The following ADGRD1 variants were observed in gnomAD, a reference collection of about 807,000 sequenced individuals.
ADGRD1 encodes G-protein coupled receptor 133.
ADGRD1 carries 77 observed loss-of-function variants against 113.4 expected under a neutral mutation model. That is an observed-to-expected ratio of 0.68 (90% confidence interval 0.57 to 0.82). The LOEUF (loss-of-function observed/expected upper bound fraction) is 0.82. ADGRD1 is among the 40% of genes least tolerant of loss of function. ADGRD1 has a pLI of 0.00. For missense variants in ADGRD1, 1,036 were observed against 1,139.1 expected, an observed-to-expected ratio of 0.91 and a Z score of 1.30; for synonymous variants, 474 against 475.0, an observed-to-expected ratio of 1.00 and a Z score of 0.03.
chr12:131,093,892 G>A (rs1289816131), intron 15 of ADGRD1, among the ~76,000 whole-genome samples: 1 of 152,132 alleles, frequency 6.6e-6, no homozygotes, highest in Non-Finnish European at 1.5e-5. Flanking sequence ...TGGAGCTGTG[G>A]TGGTGATGAG....
chr12:131,094,585 C>CG (rs2137269162), intron 15 of ADGRD1, among the ~76,000 whole-genome samples: 1 of 152,176 alleles, frequency 6.6e-6, no homozygotes, highest in South Asian at 2.1e-4. Context: ...CAGCAGCGCC[C>CG]CCCCGACTCC....
chr12:130,958,415 G>C (rs1277470212), intron 2 of ADGRD1, among the ~76,000 whole-genome samples: 1 of 152,040 alleles, frequency 6.6e-6, no homozygotes, highest in Non-Finnish European at 1.5e-5. Flanking sequence ...GACCAGGCTG[G>C]TCTCAAACTC....
chr12:131,017,964 A>C (rs1461971355), intron 13 of ADGRD1, among the ~76,000 whole-genome samples: 2 of 152,290 alleles, frequency 1.3e-5, no homozygotes, highest in South Asian at 4.1e-4. Flanking sequence ...ATGTACCTGC[A>C]TCCAGCACCC....
intron 20 of ADGRD1, among the ~76,000 whole-genome samples, chr12:131,126,997 C>T (rs551323103): frequency 2.0e-5 from 3 of 152,016 alleles, no homozygotes; most frequent in Middle Eastern, 3.4e-3. Context: ...CCCACCGCAC[C>T]GATGCAGGAT....
In ADGRD1 at chr12:131,027,261, C is replaced by G. The variant is rs1471353688; in HGVS notation, c.1473+12921C>G. ...TGAAATCCCATCCCTCAGAGATGAC[C>G]AGTGTCAACATTGTGGTGACTTCTT... On this transcript the variant is annotated intron_variant, in intron 13 of 24. Coordinates refer to ENST00000261654, the MANE Select transcript of ADGRD1 (RefSeq NM_198827.5). The surrounding 1 kb of genome is among the most constrained non-coding windows in gnomAD (Gnocchi z 5.1). 1 of 152,196 alleles carries G rather than the reference C, an allele frequency of 6.6e-6. No homozygotes were observed. The highest frequency in any genetic ancestry group is 2.4e-5 in the African/African-American group (1 of 41,434). 9.4% of individuals were successfully genotyped at this position (152,196 alleles called of 1,614,324 possible).
rs183148131 is a variant in ADGRD1, at chr12:131,089,585, G to T, written c.1671+4922G>T. Among the ~76,000 whole-genome samples the T allele has an allele frequency of 2.0e-4, 27 of 132,748 alleles. No individual in the cohort carries two copies. The East Asian group carries it at 3.2e-3, about 16-fold the overall frequency. The allele number at this position is 132,748 out of a possible 152,430, so 87.1% of individuals were successfully genotyped here. A position where few individuals can be genotyped will look rare whatever the true frequency, so the allele number is the denominator to read the frequency against. On this transcript the variant is annotated intron_variant, in intron 15 of 24. Coordinates refer to ENST00000261654, the MANE Select transcript of ADGRD1 (RefSeq NM_198827.5). Reference sequence around the variant, plus strand: ...GCCAGTGGGTGCTCACTTCCTGGTAGTGCTCCTGGCCAGTGAGTGCTCCCT... The same window carrying T: ...GCCAGTGGGTGCTCACTTCCTGGTATTGCTCCTGGCCAGTGAGTGCTCCCT...
chr12:131,004,981 G>A (rs868277191), intron 11 of ADGRD1, among the ~76,000 whole-genome samples: 2 of 152,130 alleles, frequency 1.3e-5, no homozygotes, highest in South Asian at 2.1e-4. Context: ...GGCAAGCAGG[G>A]GAGAGCCTCA....
rs562396798 is a variant in ADGRD1 at position 130,984,654 on chromosome 12, T to C, written c.491-2441T>C. Among the ~76,000 whole-genome samples, 14 of 152,172 alleles carry C rather than the reference T, an allele frequency of 9.2e-5. No homozygotes were observed. Among genetic ancestry groups the C allele is most frequent in the Admixed American group, 4.6e-4 (7 of 15,286 alleles). ...ACACATCATTGTCACCCAAAGTCCA[T>C]AGTTCACATTAGCATTTGCTCTCGG... On this transcript the variant is annotated intron_variant, in intron 5 of 24. Transcript: ENST00000261654. This position sits in a 1 kb window ranked among gnomAD's most constrained non-coding sequence, Gnocchi z 4.1.
chr12:130,961,036 G>C (rs180737714), intron 2 of ADGRD1, among the ~76,000 whole-genome samples: 1 of 152,176 alleles, frequency 6.6e-6, no homozygotes. Flanking sequence ...AAGCCAGCCC[G>C]ACCATCGGCA....
intron 5 of ADGRD1, among the ~76,000 whole-genome samples, chr12:130,983,064 G>A (rs954887954): frequency 3.3e-5 from 5 of 152,202 alleles, no homozygotes; most frequent in Non-Finnish European, 7.3e-5. Context: ...ACCCAAACAG[G>A]CTGGATCAAA....
rs535255958 is a variant in ADGRD1 at position 131,114,191 on chromosome 12, G to T, written c.2042-4194G>T. ...AAGCCAAACCAATCCAGCCTGGAAG[G>T]ATGTTTTATTTGATCTGCACAATGC... On this transcript the variant is annotated intron_variant, in intron 18 of 24. Transcript: ENST00000261654. Among the ~76,000 whole-genome samples the T allele has an allele frequency of 7.2e-4, 110 of 152,284 alleles. 3 individuals are homozygous for T. The South Asian group carries it at 0.022, about 31-fold the overall frequency.
rs569759257 is a variant in ADGRD1 at position 130,954,136 on chromosome 12, G to A, written c.-330G>A. The stretch of plus-strand genomic sequence containing the variant: ...GCAGGACAAACAGCCTCCCGTCCCC[G>A]GGCGCAGGTCGCGGTCACAGTGGTG... On this transcript the variant is annotated 5_prime_UTR_variant, in exon 1 of 25. Transcript: ENST00000261654. This position sits in a 1 kb window ranked among gnomAD's most constrained non-coding sequence, Gnocchi z 4.7. 2 of 307,172 alleles carry A rather than the reference G, an allele frequency of 6.5e-6. No homozygotes were observed. Among genetic ancestry groups the A allele is most frequent in the Non-Finnish European group, 1.2e-5 (2 of 169,708 alleles). 19.0% of individuals were successfully genotyped at this position (307,172 alleles called of 1,614,324 possible). A position where few individuals can be genotyped will look rare whatever the true frequency, so the allele number is the denominator to read the frequency against.
chr12:130,983,292 C>T (rs1873241852), intron 5 of ADGRD1, among the ~76,000 whole-genome samples: 1 of 152,132 alleles, frequency 6.6e-6, no homozygotes, highest in African/African-American at 2.4e-5. Flanking sequence ...GTGCTCGGAC[C>T]AGCTTGTACC....
In ADGRD1 at chr12:131,127,623, C is replaced by T. The variant is rs1286958171; in HGVS notation, c.2176-4102C>T. On this transcript the variant is annotated intron_variant, in intron 20 of 24. Coordinates refer to ENST00000261654, the MANE Select transcript of ADGRD1 (RefSeq NM_198827.5). ...TGGTTGGGTTGGTTGTGATGGGACC[C>T]TGAGCTCAGGTGGGGTGTTGGTTGG... Among the ~76,000 whole-genome samples, 6 of 145,614 alleles carry T rather than the reference C, an allele frequency of 4.1e-5. No homozygotes were observed. The East Asian group carries it at 6.2e-4, about 15-fold the overall frequency.
At chr12:131,099,015 G>A (rs560570253) in intron 15 of ADGRD1, among the ~76,000 whole-genome samples, 18 of 152,312 alleles carry the variant, frequency 1.2e-4, no homozygotes, top group Middle Eastern at 3.4e-3. Flanking sequence ...CTGAGGAGTC[G>A]ATGCCTTCAA....
Position 131,050,655 on chromosome 12 carries a change from G to T in ADGRD1, c.1474-26146G>T, listed in dbSNP as rs77310360. Among the ~76,000 whole-genome samples the T allele has an allele frequency of 6.6e-6, 1 of 152,034 alleles. No individual in the cohort carries two copies. Among genetic ancestry groups the T allele is most frequent in the Non-Finnish European group, 1.5e-5 (1 of 68,016 alleles). ...ACCAGATCCACGAGAACGCATGATC[G>T]TGGGGACAGTGCCAAGAGGGATGGT... On this transcript the variant is annotated intron_variant, in intron 13 of 24. Transcript: ENST00000261654. The surrounding 1 kb of genome is among the most constrained non-coding windows in gnomAD (Gnocchi z 4.8).
chr12:131,091,633 G>C (rs1886913991), intron 15 of ADGRD1, among the ~76,000 whole-genome samples: 1 of 152,224 alleles, frequency 6.6e-6, no homozygotes, highest in African/African-American at 2.4e-5. Flanking sequence ...GTTTAAATAT[G>C]CAACATTTGT....
rs1052898235 is a variant in ADGRD1, at chr12:130,954,292, C to T, written c.-174C>T. 3.2e-5 allele frequency: 17 copies of T among 524,652 alleles called. No homozygotes were observed. The African/African-American group carries it at 3.3e-4, about 10-fold the overall frequency. 32.5% of individuals were successfully genotyped at this position (524,652 alleles called of 1,614,324 possible). A position where few individuals can be genotyped will look rare whatever the true frequency, so the allele number is the denominator to read the frequency against. On this transcript the variant is annotated 5_prime_UTR_variant, in exon 1 of 25. Transcript: ENST00000261654. The surrounding 1 kb of genome is among the most constrained non-coding windows in gnomAD (Gnocchi z 4.7). ...CTCAAGTTTTGAGACGAGGAAGAAA[C>T]ACCCATTAGGTCTCCAAGACAGCTG...
chr12:131,089,519 G>T (rs761689509), intron 15 of ADGRD1, among the ~76,000 whole-genome samples: 6 of 152,158 alleles, frequency 3.9e-5, no homozygotes, highest in African/African-American at 7.2e-5. Flanking sequence ...GCCTGTAGAT[G>T]CTCTTAACTG....
Sources: allele counts gnomAD v4.1 joint callset (sites outside exome capture counted in the v4.1 genomes callset), GRCh38; gene constraint gnomAD v4.1.1; non-coding constraint Gnocchi (gnomAD v3.1); transcripts MANE v1.5; gene names NCBI Gene and HGNC (gene_info 2026-07-23, HGNC 2026-07-21).